Variants in EXOC2 observed in about 807,000 individuals in gnomAD.
EXOC2 encodes exocyst complex component 2.
Under a neutral mutation model 131.8 loss-of-function variants are expected in EXOC2, and 70 were observed. The ratio of observed to expected loss-of-function variants is 0.53; its 90% CI spans 0.44 to 0.65. EXOC2 has a LOEUF of 0.65. Ranked by LOEUF, EXOC2 falls within the 30% of genes least tolerant of loss-of-function variation. EXOC2 has a pLI of 0.00. For missense variants in EXOC2, 923 were observed against 1,108.6 expected (o/e 0.83, Z 2.38); for synonymous variants, 411 against 398.4 (o/e 1.03, Z -0.38).
chr6:638,528 T>C (rs1179992660), intron 1 of EXOC2, among the ~76,000 whole-genome samples: 1 of 152,220 alleles, frequency 6.6e-6, no homozygotes, highest in African/African-American at 2.4e-5. Context: ...TCCCTCTTCT[T>C]GTATGTAAAG....
intron 1 of EXOC2, among the ~76,000 whole-genome samples, chr6:650,457 A>G (rs1233117563): frequency 7.2e-6 from 1 of 138,108 alleles, no homozygotes; most frequent in Non-Finnish European, 1.5e-5. Flanking sequence ...AAACTTTAAT[A>G]ATAGCTTGCT....
At chr6:674,295 C>T (rs1158024492) in intron 1 of EXOC2, among the ~76,000 whole-genome samples, 3 of 152,024 alleles carry the variant, frequency 2.0e-5, no homozygotes, top group African/African-American at 7.2e-5. Flanking sequence ...TCCTTTCCCT[C>T]AATAATTCTA....
intron 27 of EXOC2, among the ~76,000 whole-genome samples, chr6:488,131 G>A (rs958322802): frequency 6.6e-6 from 1 of 152,202 alleles, no homozygotes; most frequent in African/African-American, 2.4e-5. Context: ...GGGCGGCGAT[G>A]CCCCCGGGGA....
intron 23 of EXOC2, among the ~76,000 whole-genome samples, chr6:511,546 C>T (rs1262381117): frequency 6.6e-6 from 1 of 152,238 alleles, no homozygotes. Context: ...CCACAAAGCA[C>T]TGGCCTTGCA....
intron 23 of EXOC2, among the ~76,000 whole-genome samples, chr6:528,669 G>A (rs953434592): frequency 2.0e-5 from 3 of 151,750 alleles, no homozygotes; most frequent in South Asian, 2.1e-4. Context: ...ACCAATAAAC[G>A]AAGCTATGTT....
At chr6:553,796 C>A in intron 21 of EXOC2, 58 bp downstream of exon 21, 5 of 1,448,104 alleles carry the variant, frequency 3.5e-6, no homozygotes, top group South Asian at 1.1e-5. Flanking sequence ...ATTAGATTTG[C>A]GAAATTGTTG....
In EXOC2 at chr6:556,562, T is replaced by A. The variant is rs149172088; in HGVS notation, c.1854A>T (p.Pro618=). 2.0e-5 allele frequency: 33 copies of A among 1,614,022 alleles called. No individual in the cohort carries two copies. Among genetic ancestry groups the A allele is most frequent in the African/African-American group, 5.3e-5 (4 of 74,914 alleles). ...ACACGATGCACTGTTCAAACTGACA[T>A]GGCTGAAGGGAAAACAGCATATTGT... ...IVDNEGLTSL[P]CQFEQCIVCS... Residue 618 remains proline, a splice_region_variant and synonymous_variant, in exon 18 of 28, where the codon CCA becomes CCT. Coordinates refer to ENST00000230449, the MANE Select transcript of EXOC2 (RefSeq NM_018303.6).
chr6:685,597 A>G (rs1046279115), intron 1 of EXOC2, among the ~76,000 whole-genome samples: 4 of 152,244 alleles, frequency 2.6e-5, no homozygotes, highest in Non-Finnish European at 5.9e-5. Context: ...ATTCTACCAT[A>G]TAACAGCACA....
intron 22 of EXOC2, among the ~76,000 whole-genome samples, chr6:547,367 C>T (rs921829091): frequency 7.9e-5 from 12 of 152,170 alleles, no homozygotes; most frequent in Admixed American, 7.2e-4. Context: ...TGCCCTGGCT[C>T]ACACCAGAGG....
chr6:688,073 G>A (rs1764746866), intron 1 of EXOC2, among the ~76,000 whole-genome samples: 1 of 152,204 alleles, frequency 6.6e-6, no homozygotes, highest in Non-Finnish European at 1.5e-5. Flanking sequence ...CTGTGACTGG[G>A]GAGGAGGAAC....
rs531634866 is a variant in EXOC2 at position 605,534 on chromosome 6, G to A, written c.742+4564C>T. On this transcript the variant is annotated intron_variant, in intron 7 of 27. Transcript: ENST00000230449. ...TCTGATGGTAGTTTGTATTTCTGTG[G>A]GATCGGTGGTGATATCCCCTTTATC... is the stretch of plus-strand genomic sequence containing the variant. Among the ~76,000 whole-genome samples the A allele has an allele frequency of 5.3e-5, 8 of 152,182 alleles. No individual in the cohort carries two copies. The East Asian group carries it at 1.5e-3, about 29-fold the overall frequency.
intron 13 of EXOC2, among the ~76,000 whole-genome samples, chr6:566,933 C>T (rs1040396500): frequency 2.0e-5 from 3 of 152,180 alleles, no homozygotes; most frequent in African/African-American, 7.2e-5. Flanking sequence ...GCTCAGGAGC[C>T]CACTGCGAGC....
chr6:503,807 C>A (rs78275601), intron 23 of EXOC2, among the ~76,000 whole-genome samples: 2 of 152,082 alleles, frequency 1.3e-5, no homozygotes, highest in African/African-American at 4.8e-5. Context: ...CTCTTCACTC[C>A]GGCCACAGCT....
intron 22 of EXOC2, among the ~76,000 whole-genome samples, chr6:533,904 C>T (rs757670166): frequency 6.6e-6 from 1 of 152,132 alleles, no homozygotes; most frequent in African/African-American, 2.4e-5. Flanking sequence ...TAAGGGAGTC[C>T]GCTGCTATGC....
At chr6:691,080 T>G (rs925293419) in intron 1 of EXOC2, among the ~76,000 whole-genome samples, 7 of 152,244 alleles carry the variant, frequency 4.6e-5, no homozygotes, top group Admixed American at 4.6e-4. Context: ...GAAAAGTAAC[T>G]GAGAGGACAC....
intron 21 of EXOC2, among the ~76,000 whole-genome samples, chr6:549,815 T>C (rs1757051815): frequency 6.6e-6 from 1 of 152,224 alleles, no homozygotes; most frequent in Admixed American, 6.5e-5. Flanking sequence ...AAGAATTGCT[T>C]GTGTTTGCAG....
At chr6:634,801 A>G (rs1021069079) in intron 2 of EXOC2, among the ~76,000 whole-genome samples, 3 of 152,136 alleles carry the variant, frequency 2.0e-5, no homozygotes, top group African/African-American at 7.2e-5. Flanking sequence ...TATTTTTTTC[A>G]AAATGGGCAT....
chr6:563,933 G>A (rs1757828641), intron 16 of EXOC2, 100 bp downstream of exon 16: 4 of 1,477,974 alleles, frequency 2.7e-6, no homozygotes, highest in Non-Finnish European at 3.6e-6. Flanking sequence ...ATTTCCAGAA[G>A]AGTAATTTTC....
At chr6:610,335 A>AC (rs1231962926) in intron 6 of EXOC2, among the ~76,000 whole-genome samples, 157 bp from the exon 7 acceptor site, 1 of 152,100 alleles carries the variant, frequency 6.6e-6, no homozygotes, top group African/African-American at 2.4e-5. Flanking sequence ...TACCCAGCAG[A>AC]CACCAGTCTA....
Sources: allele counts gnomAD v4.1 joint callset (sites outside exome capture counted in the v4.1 genomes callset), GRCh38; gene constraint gnomAD v4.1.1; transcripts MANE v1.5; gene names NCBI Gene and HGNC (gene_info 2026-07-23, HGNC 2026-07-21).